Variants in KIAA1958 observed in about 807,000 individuals in gnomAD.
KIAA1958 encodes the protein uncharacterized protein KIAA1958.
A neutral mutation model predicts 47.2 loss-of-function variants in KIAA1958; 14 were observed. That is an observed-to-expected ratio of 0.30 (90% CI 0.20 to 0.46). The LOEUF (loss-of-function observed/expected upper bound fraction) is 0.46. Ranked by LOEUF, KIAA1958 falls within the 20% of genes least tolerant of loss-of-function variation. KIAA1958 has a pLI of 1.00. For synonymous variants in KIAA1958, 354 were observed against 353.3 expected (o/e 1.00, Z -0.02); for missense variants, 803 against 909.2 (o/e 0.88, Z 1.50).
At chr9:112,549,401 C>G (rs1165060581) in intron 1 of KIAA1958, among the ~76,000 whole-genome samples, 2 of 152,196 alleles carry the variant, frequency 1.3e-5, no homozygotes, top group Non-Finnish European at 2.9e-5. Context: ...ATTCTAGTCT[C>G]AAGGAAATGA....
At chr9:112,644,191 C>CA (rs930884086) in intron 2 of KIAA1958, among the ~76,000 whole-genome samples, 26 of 73,576 alleles carry the variant, frequency 3.5e-4, no homozygotes, top group Admixed American at 5.7e-4. Flanking sequence ...AACAAACAAA[C>CA]AAACAAAAAA....
At chr9:112,653,584 C>A (rs1328711796) in intron 3 of KIAA1958, among the ~76,000 whole-genome samples, 1 of 152,144 alleles carries the variant, frequency 6.6e-6, no homozygotes, top group African/African-American at 2.4e-5. Context: ...CATGGCAACA[C>A]CATGCACTAA....
chr9:112,618,495 G>C lies in KIAA1958; in HGVS notation c.1172-27155G>C, dbSNP rs1309826671. 1 of 1,550,728 alleles carries C rather than the reference G, an allele frequency of 6.4e-7. No individual in the cohort carries two copies. Among genetic ancestry groups the C allele is most frequent in the Non-Finnish European group, 8.7e-7 (1 of 1,147,040 alleles). ...GACTTGAATGCCAAAACCAAGAGAG[G>C]GGGGACAGACTCCCGTGTGTATGCC... On this transcript the variant is annotated intron_variant, in intron 2 of 3. Transcript: ENST00000337530. The surrounding 1 kb of genome is among the most constrained non-coding windows in gnomAD (Gnocchi z 7.1).
chr9:112,506,423 T>C (rs1248049257), intron 1 of KIAA1958, among the ~76,000 whole-genome samples: 1 of 152,156 alleles, frequency 6.6e-6, no homozygotes, highest in Non-Finnish European at 1.5e-5. Flanking sequence ...GCCACTACAC[T>C]CTAGCCTGGG....
chr9:112,497,467 C>T (rs184113797), intron 1 of KIAA1958, among the ~76,000 whole-genome samples: 82 of 152,268 alleles, frequency 5.4e-4, no homozygotes, highest in Middle Eastern at 3.4e-3. Context: ...TCGAAAGAAA[C>T]CAAGCCTGCC....
intron 1 of KIAA1958, among the ~76,000 whole-genome samples, chr9:112,528,189 C>G (rs796699037): frequency 1.3e-5 from 2 of 152,140 alleles, no homozygotes; most frequent in South Asian, 4.1e-4. Context: ...CCATATCCAC[C>G]TCATTGTTCC....
chr9:112,628,548 T>A (rs750677016), intron 2 of KIAA1958, among the ~76,000 whole-genome samples: 34 of 152,188 alleles, frequency 2.2e-4, no homozygotes, highest in Admixed American at 7.2e-4. Context: ...ATTTCTTGAT[T>A]CCTACATCAG....
intron 1 of KIAA1958, among the ~76,000 whole-genome samples, chr9:112,506,560 A>G (rs1834237869): frequency 6.6e-6 from 1 of 152,194 alleles, no homozygotes; most frequent in African/African-American, 2.4e-5. Context: ...GTGTTTATAC[A>G]TGTTTGTGAC....
intron 2 of KIAA1958, among the ~76,000 whole-genome samples, chr9:112,635,214 TTGTGTGTGTGTGTGTGTG>T (rs71999105): frequency 1.7e-4 from 22 of 130,436 alleles, no homozygotes; most frequent in South Asian, 2.8e-4. Context: ...ATTCTTTATT[TTGTGTGTGTGTGTGTGTG>T]TGTGTGTGTG....
At chr9:112,579,508 T>C (rs1031744345) in intron 2 of KIAA1958, among the ~76,000 whole-genome samples, 1 of 152,098 alleles carries the variant, frequency 6.6e-6, no homozygotes, top group Non-Finnish European at 1.5e-5. Context: ...GTTGAATAAT[T>C]CTCATTCTCC....
At chr9:112,541,188 G>C (rs567821669) in intron 1 of KIAA1958, among the ~76,000 whole-genome samples, 2 of 152,134 alleles carry the variant, frequency 1.3e-5, no homozygotes, top group Non-Finnish European at 2.9e-5. Flanking sequence ...AATTTTGAAT[G>C]ATGATGGGAG....
At chr9:112,498,839 G>A (rs775958704) in intron 1 of KIAA1958, among the ~76,000 whole-genome samples, 4 of 152,186 alleles carry the variant, frequency 2.6e-5, no homozygotes, top group South Asian at 2.1e-4. Flanking sequence ...GAATACCAGA[G>A]CTCATTCCTA....
intron 2 of KIAA1958, among the ~76,000 whole-genome samples, chr9:112,596,461 C>G (rs1836034839): frequency 6.6e-6 from 1 of 152,062 alleles, no homozygotes; most frequent in South Asian, 2.1e-4. Flanking sequence ...TGGAAGGCAA[C>G]CATCTCATAA....
At chr9:112,549,529 G>A (rs543237018) in intron 1 of KIAA1958, among the ~76,000 whole-genome samples, 58 of 152,298 alleles carry the variant, frequency 3.8e-4, no homozygotes, top group Admixed American at 1.0e-3. Context: ...AGTATTTATT[G>A]ATGCCTCAGT....
chr9:112,500,346 C>T (rs2132764411), intron 1 of KIAA1958, among the ~76,000 whole-genome samples: 2 of 152,286 alleles, frequency 1.3e-5, no homozygotes, highest in South Asian at 4.1e-4. Flanking sequence ...AGTGATCTGC[C>T]CGCCTTGGCC....
chr9:112,509,262 T>C (rs1327955702), intron 1 of KIAA1958, among the ~76,000 whole-genome samples: 1 of 144,728 alleles, frequency 6.9e-6, no homozygotes, highest in Non-Finnish European at 1.5e-5. Context: ...TAGTGTGCAA[T>C]GGCACGATCT....
At chr9:112,659,207 AG>A in intron 3 of KIAA1958, 55 bp from the exon 4 acceptor site, 1 of 1,421,496 alleles carries the variant, frequency 7.0e-7, no homozygotes, top group Non-Finnish European at 9.7e-7. Flanking sequence ...AGAAGGAAGG[AG>A]GGGTCTGGCT....
At chr9:112,632,657 G>C (rs1836730602) in intron 2 of KIAA1958, among the ~76,000 whole-genome samples, 1 of 151,994 alleles carries the variant, frequency 6.6e-6, no homozygotes, top group Non-Finnish European at 1.5e-5. Flanking sequence ...GTCATATCCT[G>C]GGCCCTTTTG....
At chr9:112,598,278 G>T (rs1276534381) in intron 2 of KIAA1958, among the ~76,000 whole-genome samples, 1 of 152,178 alleles carries the variant, frequency 6.6e-6, no homozygotes, top group Non-Finnish European at 1.5e-5. Context: ...TTGCATTGAG[G>T]CCACTGTCGT....
Sources: gnomAD v4.1 joint callset for allele counts (sites outside exome capture counted in the v4.1 genomes callset) on GRCh38, gnomAD v4.1.1 for gene constraint, Gnocchi (gnomAD v3.1) non-coding constraint, MANE v1.5 for transcripts, NCBI Gene and HGNC (gene_info 2026-07-23, HGNC 2026-07-21) for gene names.